The following MYCBP2 variants were observed in gnomAD, a reference collection of about 807,000 sequenced individuals.
MYCBP2 encodes MYC binding protein 2.
MYCBP2 carries 120 observed loss-of-function variants against 525.3 expected under a neutral mutation model. The observed-to-expected ratio is 0.23, with a 90% CI of 0.20 to 0.27. The LOEUF (loss-of-function observed/expected upper bound fraction) is 0.27, where lower values mean the gene tolerates loss of function less well. Among genes scored for constraint, MYCBP2 ranks in the 10% least tolerant of loss-of-function variants. MYCBP2 has a pLI of 1.00. For missense variants in MYCBP2, 4,149 were observed against 5,657.1 expected (o/e 0.73, Z 8.55); for synonymous variants, 1,894 against 1,955.8 (o/e 0.97, Z 0.83).
chr13:77,289,928 A>C (rs2077298160), intron 2 of MYCBP2, among the ~76,000 whole-genome samples: 1 of 152,184 alleles, frequency 6.6e-6, no homozygotes. Flanking sequence ...CAAAAATAAT[A>C]GCATTGAAGT....
intron 22 of MYCBP2, 48 bp from the exon 23 acceptor site, chr13:77,211,368 T>A: frequency 9.9e-7 from 1 of 1,005,346 alleles, no homozygotes; most frequent in Non-Finnish European, 1.3e-6. Context: ...ATTACCCTTT[T>A]AAATTCTCCA....
At chr13:77,088,521 C>A (rs988426335) in intron 61 of MYCBP2, among the ~76,000 whole-genome samples, 1 of 151,992 alleles carries the variant, frequency 6.6e-6, no homozygotes, top group African/African-American at 2.4e-5. Context: ...TCCATGATTA[C>A]TCTGTCATTT....
chr13:77,068,937 C>T, intron 69 of MYCBP2, 106 bp from the exon 70 acceptor site: 2 of 1,086,156 alleles, frequency 1.8e-6, no homozygotes, highest in Non-Finnish European at 2.7e-6. Flanking sequence ...TAAATTGATA[C>T]TCAATTTAAT....
chr13:77,071,786 G>A (rs759321546), intron 68 of MYCBP2, among the ~76,000 whole-genome samples: 3 of 152,104 alleles, frequency 2.0e-5, no homozygotes, highest in Non-Finnish European at 2.9e-5. Flanking sequence ...TTTTTGAAGT[G>A]CACGTGGACA....
intron 5 of MYCBP2, among the ~76,000 whole-genome samples, chr13:77,273,271 T>C (rs2075116441): frequency 1.3e-5 from 2 of 152,206 alleles, no homozygotes; most frequent in Non-Finnish European, 1.5e-5. Flanking sequence ...CTGGCCAAAA[T>C]TCATTTTATT....
chr13:77,294,127 T>TATATATATATATATATATATAC (rs1350132831), intron 2 of MYCBP2, among the ~76,000 whole-genome samples: 18 of 60,858 alleles, frequency 3.0e-4, no homozygotes, highest in Middle Eastern at 8.6e-3. Context: ...TATATATATA[T>TATATATATATATATATATATAC]ATACATATAT....
intron 8 of MYCBP2, among the ~76,000 whole-genome samples, chr13:77,265,469 C>T (rs566925420): frequency 1.3e-5 from 2 of 151,844 alleles, no homozygotes; most frequent in African/African-American, 2.4e-5. Context: ...TAAGATAAGC[C>T]GAGGTTTAAA....
intron 39 of MYCBP2, 131 bp downstream of exon 39, chr13:77,169,483 T>C (rs2058920900): frequency 1.5e-6 from 1 of 649,782 alleles, no homozygotes; most frequent in Admixed American, 2.7e-5. Context: ...AATTAGCAGA[T>C]CTATCTCTGC....
intron 3 of MYCBP2, among the ~76,000 whole-genome samples, chr13:77,281,250 A>C (rs1440415426): frequency 2.0e-5 from 3 of 152,204 alleles, no homozygotes; most frequent in Non-Finnish European, 4.4e-5. Flanking sequence ...TAATGTGTAC[A>C]TAGAAAAAAT....
At chr13:77,298,097 AC>A (rs1368485720) in intron 1 of MYCBP2, among the ~76,000 whole-genome samples, 1 of 152,040 alleles carries the variant, frequency 6.6e-6, no homozygotes, top group African/African-American at 2.4e-5. Context: ...CCAATAACTG[AC>A]CTCCATCAAT....
intron 15 of MYCBP2, 147 bp downstream of exon 15, chr13:77,251,001 TATA>T: frequency 1.8e-6 from 1 of 545,896 alleles, no homozygotes; most frequent in South Asian, 3.0e-5. Context: ...TTATAAGAAT[TATA>T]ATACTTTCTT....
In MYCBP2 at chr13:77,166,711, G is replaced by C. The variant is rs886797587; in HGVS notation, c.6115-157C>G. 3.3e-5 allele frequency among the ~76,000 whole-genome samples: 5 copies of C among 152,118 alleles called. No homozygotes were observed. In the East Asian group the frequency reaches 9.6e-4, roughly 29 times the overall value. ...AGAATAAAATGTTACCTATGACAGA[G>C]AAGGAGGAACAGAGTAAAGAGGACA... On this transcript the variant is annotated intron_variant, in intron 40 of 82. Transcript: ENST00000544440.
intron 2 of MYCBP2, among the ~76,000 whole-genome samples, chr13:77,291,699 G>C (rs1216933093): frequency 6.6e-6 from 1 of 152,012 alleles, no homozygotes; most frequent in East Asian, 1.9e-4. Flanking sequence ...CCTGGGAGGC[G>C]GAGGTTGCAA....
intron 15 of MYCBP2, among the ~76,000 whole-genome samples, chr13:77,249,812 A>T (rs566621798): frequency 2.5e-4 from 38 of 152,338 alleles, no homozygotes; most frequent in African/African-American, 8.7e-4. Flanking sequence ...AAAAATAAAG[A>T]AGTTAGGTGC....
intron 18 of MYCBP2, among the ~76,000 whole-genome samples, chr13:77,229,157 C>G (rs974880178): frequency 6.6e-6 from 1 of 152,186 alleles, no homozygotes; most frequent in East Asian, 1.9e-4. Context: ...TGTATGACAA[C>G]TGGACACTGG....
rs372069326 is a variant in MYCBP2 at position 77,262,168 on chromosome 13, T to C, written c.1571-39A>G. ...CTAATAAATACTATTGCATTTCTAA[T>C]ATGAAGAATTCTAAATACAACATGC... On this transcript the variant is annotated intron_variant, in intron 10 of 82. Coordinates refer to ENST00000544440, the MANE Select transcript of MYCBP2 (RefSeq NM_015057.5). The C allele has an allele frequency of 1.1e-4, 172 of 1,515,196 alleles. 1 individual carries two copies. Among genetic ancestry groups the C allele is most frequent in the Non-Finnish European group, 1.5e-4 (160 of 1,099,844 alleles). 93.9% of individuals were successfully genotyped at this position (1,515,196 alleles called of 1,614,324 possible).
intron 1 of MYCBP2, among the ~76,000 whole-genome samples, chr13:77,308,044 C>CA (rs2079688494): frequency 6.6e-6 from 1 of 152,182 alleles, no homozygotes; most frequent in South Asian, 2.1e-4. Flanking sequence ...TAAGCTATAA[C>CA]AACCCTAAAC....
At position 77,067,848 on chromosome 13, in the gene MYCBP2, C is replaced by T. The variant is rs2040456887; in HGVS notation, c.12188G>A (p.Arg4063Lys). The T allele has an allele frequency of 6.2e-7, 1 of 1,613,168 alleles. No homozygotes were observed. The highest frequency in any genetic ancestry group is 1.3e-5 in the African/African-American group (1 of 74,868). The change falls in exon 71 of 83, where the codon AGA (arginine) becomes AAA (lysine). Residue 4063 changes from arginine to lysine, a missense_variant. Coordinates refer to ENST00000544440, the MANE Select transcript of MYCBP2 (RefSeq NM_015057.5). ...AGGGGTTACTTCAGGCAAAACTCTTCTTAGTAAAGAGGTTACCTGGTAAGA... is the reference window on the plus strand; with the variant it reads ...AGGGGTTACTTCAGGCAAAACTCTTTTTAGTAAAGAGGTTACCTGGTAAGA... ...RVQRQVTSLL[R>K]RVLPEVTPSR...
intron 52 of MYCBP2, among the ~76,000 whole-genome samples, chr13:77,132,044 C>T (rs991131716): frequency 6.6e-6 from 1 of 152,004 alleles, no homozygotes; most frequent in African/African-American, 2.4e-5. Flanking sequence ...TTAAGAATAG[C>T]GTATATATAT....
Sources: allele counts gnomAD v4.1 joint callset (sites outside exome capture counted in the v4.1 genomes callset), GRCh38; gene constraint gnomAD v4.1.1; transcripts MANE v1.5; gene names NCBI Gene and HGNC (gene_info 2026-07-23, HGNC 2026-07-21).